Variants in GRAMD1C observed in about 807,000 individuals in gnomAD.
GRAMD1C encodes protein Aster-C.
GRAMD1C carries 89 observed loss-of-function variants against 97.8 expected under a neutral mutation model. That is an observed-to-expected ratio of 0.91 (90% CI 0.77 to 1.09). The LOEUF is 1.09. Ranked by LOEUF, GRAMD1C falls within the 50% of genes least tolerant of loss-of-function variation. GRAMD1C has a pLI of 0.00. For synonymous variants in GRAMD1C, 256 were observed against 267.0 expected (o/e 0.96, Z 0.40); for missense variants, 740 against 766.4 (o/e 0.97, Z 0.41).
chr3:113,923,162 T>C (rs1234143420), intron 10 of GRAMD1C, among the ~76,000 whole-genome samples: 1 of 152,152 alleles, frequency 6.6e-6, no homozygotes, highest in African/African-American at 2.4e-5. Flanking sequence ...TTATCAGATC[T>C]AGGAGCTTTT....
At chr3:113,888,265 T>C (rs1241172491) in intron 6 of GRAMD1C, among the ~76,000 whole-genome samples, 1 of 152,178 alleles carries the variant, frequency 6.6e-6, no homozygotes, top group African/African-American at 2.4e-5. Flanking sequence ...TGAAAAGGTA[T>C]ATACTATTAT....
chr3:113,876,244 T>A lies in GRAMD1C; in HGVS notation c.443T>A (p.Val148Asp), dbSNP rs375458767. 7 of 1,578,918 alleles carry A rather than the reference T, an allele frequency of 4.4e-6. No individual in the cohort carries two copies. The highest frequency in any genetic ancestry group is 6.1e-6 in the Non-Finnish European group (7 of 1,148,878). ...ARLIPNAIQI[V>D]TESEKFFFTS... ...CTCATCCCAAACGCTATCCAGATAG[T>A]TACAGAAAGTGAAAAGGTGAAAACT... The change falls in exon 5 of 18, where the codon GTT (valine) becomes GAT (aspartate). Residue 148 changes from valine (V) to aspartate (D), a missense_variant. Transcript: ENST00000358160.
intron 2 of GRAMD1C, among the ~76,000 whole-genome samples, chr3:113,856,490 C>CG (rs1232309530): frequency 1.3e-5 from 2 of 151,988 alleles, no homozygotes; most frequent in Non-Finnish European, 2.9e-5. Context: ...ATGTTACCCC[C>CG]GGCTAGTCTG....
intron 8 of GRAMD1C, among the ~76,000 whole-genome samples, chr3:113,906,052 C>T (rs906965764): frequency 6.6e-6 from 1 of 152,120 alleles, no homozygotes; most frequent in African/African-American, 2.4e-5. Context: ...GAGGTACCAT[C>T]ATAACATGGT....
intron 10 of GRAMD1C, among the ~76,000 whole-genome samples, chr3:113,924,769 A>T (rs530543180): frequency 4.6e-5 from 7 of 152,308 alleles, no homozygotes; most frequent in African/African-American, 1.7e-4. Flanking sequence ...AGAGCTCTGT[A>T]GATGTCTGTT....
intron 5 of GRAMD1C, among the ~76,000 whole-genome samples, chr3:113,877,303 A>G (rs1404460445): frequency 6.6e-6 from 1 of 152,244 alleles, no homozygotes; most frequent in Admixed American, 6.5e-5. Context: ...TTTTCTATAT[A>G]ACCACAATAT....
chr3:113,856,658 G>A (rs1934143296), intron 2 of GRAMD1C, among the ~76,000 whole-genome samples: 1 of 152,042 alleles, frequency 6.6e-6, no homozygotes, highest in South Asian at 2.1e-4. Flanking sequence ...TCCCATATGA[G>A]CCTCCTGAGT....
At chr3:113,885,935 C>G (rs1935457217) in intron 6 of GRAMD1C, 1 of 1,612,562 alleles carries the variant, frequency 6.2e-7, no homozygotes. Context: ...GCGACACAGC[C>G]CTTCTCAACC....
chr3:113,871,015 A>ACG (rs1294119820), intron 3 of GRAMD1C, among the ~76,000 whole-genome samples: 756 of 25,118 alleles, frequency 0.03, 22 homozygotes, highest in Middle Eastern at 0.077. Context: ...ACACACACAC[A>ACG]CACACACAGA....
At chr3:113,897,513 A>C in intron 6 of GRAMD1C, 2 of 984,456 alleles carry the variant, frequency 2.0e-6, no homozygotes, top group Non-Finnish European at 1.2e-6. Flanking sequence ...CTGACCTGCA[A>C]CCTTGGAAAG....
intron 2 of GRAMD1C, among the ~76,000 whole-genome samples, chr3:113,846,386 A>G (rs987618464): frequency 6.6e-6 from 1 of 152,134 alleles, no homozygotes; most frequent in East Asian, 1.9e-4. Flanking sequence ...GATTACAGGC[A>G]TGAGCCACTG....
chr3:113,856,154 C>G (rs1051479186), intron 2 of GRAMD1C, among the ~76,000 whole-genome samples: 1 of 152,076 alleles, frequency 6.6e-6, no homozygotes, highest in Non-Finnish European at 1.5e-5. Flanking sequence ...TCCCAAAGTG[C>G]TAGGATTACA....
intron 3 of GRAMD1C, among the ~76,000 whole-genome samples, chr3:113,875,249 T>C (rs1934980418): frequency 6.6e-6 from 1 of 152,174 alleles, no homozygotes; most frequent in South Asian, 2.1e-4. Flanking sequence ...TTTATTTTCA[T>C]ATTTGTTTAT....
intron 2 of GRAMD1C, among the ~76,000 whole-genome samples, chr3:113,866,453 G>A (rs1577141015): frequency 6.6e-6 from 1 of 151,962 alleles, no homozygotes; most frequent in African/African-American, 2.4e-5. Context: ...TGTGTCTCTT[G>A]TAGACAAAAT....
chr3:113,877,031 A>G (rs1191773410), intron 5 of GRAMD1C, among the ~76,000 whole-genome samples: 1 of 152,014 alleles, frequency 6.6e-6, no homozygotes, highest in Non-Finnish European at 1.5e-5. Flanking sequence ...CTCTTTTTTT[A>G]GAGACAGGGT....
Position 113,887,983 on chromosome 3 carries a change from G to T in GRAMD1C, c.540+5151G>T, listed in dbSNP as rs572763651. Among the ~76,000 whole-genome samples, 19 of 152,214 alleles carry T rather than the reference G, an allele frequency of 1.2e-4. No homozygotes were observed. In the South Asian group the frequency reaches 3.1e-3, roughly 25 times the overall value. ...TGAATAGACCTATAACAAGAAAAGA[G>T]ATTGAATTAATGATAAAGAACCTAC... On this transcript the variant is annotated intron_variant, in intron 6 of 17. Transcript: ENST00000358160.
chr3:113,943,742 C>T (rs755053694), intron 17 of GRAMD1C, among the ~76,000 whole-genome samples: 3 of 152,030 alleles, frequency 2.0e-5, no homozygotes, highest in Admixed American at 1.3e-4. Flanking sequence ...GGCGAAACCC[C>T]GTCTCTACTA....
chr3:113,830,213 G>A (rs749468935), intron 1 of GRAMD1C, among the ~76,000 whole-genome samples: 4 of 152,126 alleles, frequency 2.6e-5, no homozygotes, highest in Non-Finnish European at 4.4e-5. Flanking sequence ...TTATTATGGA[G>A]ATGGGTTCTC....
chr3:113,831,017 A>G (rs1709550564), intron 1 of GRAMD1C, among the ~76,000 whole-genome samples: 1 of 152,216 alleles, frequency 6.6e-6, no homozygotes, highest in African/African-American at 2.4e-5. Flanking sequence ...TGAACCCAAG[A>G]GGCAGAGGTT....
Sources: gnomAD v4.1 joint callset for allele counts (sites outside exome capture counted in the v4.1 genomes callset) on GRCh38, gnomAD v4.1.1 for gene constraint, MANE v1.5 for transcripts, NCBI Gene and HGNC (gene_info 2026-07-23, HGNC 2026-07-21) for gene names.